CA10: variants seen among roughly 807,000 people sequenced by gnomAD.
CA10 encodes carbonic anhydrase-related protein 10.
In CA10, 14 loss-of-function variants were observed where a neutral mutation model predicts 44.2. The observed-to-expected ratio is 0.32, with a 90% confidence interval of 0.21 to 0.50. The LOEUF (loss-of-function observed/expected upper bound fraction) is 0.50, where lower values mean the gene tolerates loss of function less well. Ranked by LOEUF, CA10 falls within the 20% of genes least tolerant of loss-of-function variation. The pLI is 0.99. For missense variants in CA10, 350 were observed against 409.7 expected (o/e 0.85, Z 1.26); for synonymous variants, 159 against 141.6 (o/e 1.12, Z -0.87).
At chr17:51,684,734 C>T (rs1418654443) in intron 4 of CA10, among the ~76,000 whole-genome samples, 1 of 152,188 alleles carries the variant, frequency 6.6e-6, no homozygotes, top group Non-Finnish European at 1.5e-5. Flanking sequence ...CATCCGGATC[C>T]ACCACCTGGC....
intron 4 of CA10, among the ~76,000 whole-genome samples, chr17:51,733,954 G>T (rs1299036831): frequency 6.6e-6 from 1 of 152,094 alleles, no homozygotes; most frequent in Non-Finnish European, 1.5e-5. Flanking sequence ...CGTTTTACCT[G>T]GGAGGTGCAA....
intron 2 of CA10, among the ~76,000 whole-genome samples, chr17:51,988,204 G>A (rs1489862944): frequency 1.3e-5 from 2 of 151,882 alleles, no homozygotes; most frequent in Non-Finnish European, 1.5e-5. Flanking sequence ...CAACCACTAA[G>A]TTAAAAAAGA....
chr17:52,076,949 G>A (rs2143155342), intron 1 of CA10, among the ~76,000 whole-genome samples: 1 of 152,244 alleles, frequency 6.6e-6, no homozygotes, highest in Admixed American at 6.5e-5. Context: ...TGTGCAACCA[G>A]CCCCTGGGAA....
chr17:51,664,557 CA>C (rs11367609), intron 4 of CA10, among the ~76,000 whole-genome samples: 101,851 of 137,188 alleles, frequency 0.74, 37,973 homozygotes, highest in Non-Finnish European at 0.83. Flanking sequence ...ATGAAGTATA[CA>C]AAAAAAAAAA....
chr17:51,994,861 C>A (rs564513013), intron 2 of CA10, among the ~76,000 whole-genome samples: 3 of 151,822 alleles, frequency 2.0e-5, no homozygotes, highest in Non-Finnish European at 4.4e-5. Flanking sequence ...TCATTATATC[C>A]ATATCCATGG....
At chr17:51,864,218 G>A (rs1360125114) in intron 3 of CA10, among the ~76,000 whole-genome samples, 1 of 152,084 alleles carries the variant, frequency 6.6e-6, no homozygotes, top group South Asian at 2.1e-4. Context: ...AAGTTTAGTG[G>A]TTACCTCCCA....
At chr17:51,863,066 T>C (rs1263199145) in intron 3 of CA10, among the ~76,000 whole-genome samples, 2 of 152,170 alleles carry the variant, frequency 1.3e-5, no homozygotes, top group South Asian at 2.1e-4. Context: ...GTAAATTGTA[T>C]ACACCCTCTA....
At chr17:52,104,793 G>A (rs537014649) in intron 1 of CA10, among the ~76,000 whole-genome samples, 53 of 152,268 alleles carry the variant, frequency 3.5e-4, no homozygotes, top group Non-Finnish European at 6.5e-4. Context: ...GGTGCCTCTC[G>A]CTAGTCTTGG....
chr17:51,738,428 T>C (rs536730651), intron 4 of CA10, among the ~76,000 whole-genome samples: 6 of 152,312 alleles, frequency 3.9e-5, no homozygotes, highest in African/African-American at 1.4e-4. Context: ...AGATTTAAAC[T>C]GCACAAAAGC....
intron 4 of CA10, among the ~76,000 whole-genome samples, chr17:51,665,548 G>C (rs1299821544): frequency 6.6e-6 from 1 of 152,200 alleles, no homozygotes; most frequent in Non-Finnish European, 1.5e-5. Context: ...TTAAAAACCA[G>C]GATGCATTCT....
intron 4 of CA10, among the ~76,000 whole-genome samples, chr17:51,745,009 C>T (rs1020275656): frequency 6.6e-6 from 1 of 152,092 alleles, no homozygotes; most frequent in African/African-American, 2.4e-5. Flanking sequence ...GTAGATTATA[C>T]CTATGCTGAG....
At chr17:52,049,311 T>C (rs549301934) in intron 2 of CA10, among the ~76,000 whole-genome samples, 29 of 152,228 alleles carry the variant, frequency 1.9e-4, no homozygotes, top group African/African-American at 6.5e-4. Context: ...TGCTACTTAC[T>C]AGCTATGCGG....
chr17:51,650,534 G>T (rs543070520), intron 5 of CA10, among the ~76,000 whole-genome samples: 9 of 152,320 alleles, frequency 5.9e-5, no homozygotes, highest in African/African-American at 1.4e-4. Context: ...GAGTGACAAT[G>T]CCCAGTGGAG....
chr17:52,144,588 A>T (rs959130570), intron 1 of CA10, among the ~76,000 whole-genome samples: 1 of 152,158 alleles, frequency 6.6e-6, no homozygotes, highest in Non-Finnish European at 1.5e-5. Flanking sequence ...AGACATGATT[A>T]TCTCCCTTCT....
chr17:51,910,620 T>C (rs202123), intron 3 of CA10, among the ~76,000 whole-genome samples: 135,567 of 152,170 alleles, frequency 0.89, 60,637 homozygotes, highest in East Asian at 0.97. Flanking sequence ...GAAAATTTGG[T>C]TCTGAAGGCC....
chr17:51,711,265 T>C (rs1227523256), intron 4 of CA10, among the ~76,000 whole-genome samples: 1 of 152,186 alleles, frequency 6.6e-6, no homozygotes, highest in Non-Finnish European at 1.5e-5. Flanking sequence ...TCATGACTCC[T>C]ATCAGCGGGT....
At chr17:52,070,381 G>C (rs1447394255) in intron 2 of CA10, 1 of 152,004 alleles carries the variant, frequency 6.6e-6, no homozygotes, top group Admixed American at 6.6e-5. Context: ...GACTCAACAT[G>C]CACCAGACAT....
rs534400896 is a variant in CA10 at position 51,773,882 on chromosome 17, C to G, written c.280-26064G>C. 2.0e-4 allele frequency among the ~76,000 whole-genome samples: 31 copies of G among 152,292 alleles called. 2 individuals are homozygous for G. The South Asian group carries it at 6.2e-3, about 31-fold the overall frequency. ...AAAGCAAATCAAGTTGGCTCGGTTG[C>G]TGGTAGACAGACCTGTCTCTTCGGT... On this transcript the variant is annotated intron_variant, in intron 3 of 8. Coordinates refer to ENST00000451037, the MANE Select transcript of CA10 (RefSeq NM_020178.5).
chr17:52,011,380 T>C (rs771871427), intron 2 of CA10, among the ~76,000 whole-genome samples: 5 of 151,990 alleles, frequency 3.3e-5, no homozygotes, highest in Non-Finnish European at 7.4e-5. Flanking sequence ...GACAGTATGC[T>C]CTGGTGCAAA....
Sources: gnomAD v4.1 joint callset for allele counts (sites outside exome capture counted in the v4.1 genomes callset) on GRCh38, gnomAD v4.1.1 for gene constraint, MANE v1.5 for transcripts, NCBI Gene and HGNC (gene_info 2026-07-23, HGNC 2026-07-21) for gene names.